The following GPR160 variants were observed in gnomAD, a reference collection of about 807,000 sequenced individuals.
GPR160 encodes the protein probable G protein-coupled receptor 160.
GPR160 carries 2 observed loss-of-function variants against 2.6 expected under a neutral mutation model. That is an observed-to-expected ratio of 0.77 (90% CI 0.32 to 2.44). GPR160 has a LOEUF of 2.44. Ranked by LOEUF, GPR160 falls within the 30% of genes most tolerant of loss-of-function variation. The pLI is 0.11. For synonymous variants in GPR160, 130 were observed against 132.2 expected (o/e 0.98, Z 0.12); for missense variants, 351 against 383.6 (o/e 0.91, Z 0.71).
At chr3:170,041,944 C>A (rs1716470684) in intron 2 of GPR160, among the ~76,000 whole-genome samples, 1 of 152,138 alleles carries the variant, frequency 6.6e-6, no homozygotes, top group Non-Finnish European at 1.5e-5. Context: ...TTGCTAATAG[C>A]CATTTTAAGG....
chr3:170,055,490 C>T (rs1282959218), intron 2 of GPR160, among the ~76,000 whole-genome samples: 1 of 152,174 alleles, frequency 6.6e-6, no homozygotes, highest in Non-Finnish European at 1.5e-5. Flanking sequence ...AGTGGGGTCT[C>T]AGGGACTATT....
intron 2 of GPR160, among the ~76,000 whole-genome samples, chr3:170,064,670 C>T (rs766507000): frequency 2.0e-5 from 3 of 151,968 alleles, no homozygotes; most frequent in Non-Finnish European, 4.4e-5. Flanking sequence ...AGGCACATGC[C>T]ACCGCGCCTG....
chr3:170,040,024 G>T (rs557005702), intron 2 of GPR160, among the ~76,000 whole-genome samples: 1 of 152,014 alleles, frequency 6.6e-6, no homozygotes, highest in South Asian at 2.1e-4. Context: ...GGGCCTGTCG[G>T]AGGGTGGGGG....
intron 2 of GPR160, among the ~76,000 whole-genome samples, chr3:170,039,845 G>A (rs1462807237): frequency 6.6e-6 from 1 of 152,208 alleles, no homozygotes; most frequent in African/African-American, 2.4e-5. Flanking sequence ...TCCCTGTAGA[G>A]ACACAGACTG....
intron 3 of GPR160, among the ~76,000 whole-genome samples, chr3:170,081,359 T>C (rs1278109210): frequency 1.3e-5 from 2 of 152,214 alleles, no homozygotes; most frequent in African/African-American, 2.4e-5. Flanking sequence ...TAAACTGTAC[T>C]ATGTTTAAAT....
At chr3:170,060,607 T>G (rs1229252247) in intron 2 of GPR160, among the ~76,000 whole-genome samples, 1 of 151,678 alleles carries the variant, frequency 6.6e-6, no homozygotes, top group African/African-American at 2.4e-5. Flanking sequence ...CAAAACAGTA[T>G]TTTAAAAAAA....
chr3:170,042,063 T>C (rs1427817325), intron 2 of GPR160, among the ~76,000 whole-genome samples: 1 of 151,832 alleles, frequency 6.6e-6, no homozygotes, highest in Non-Finnish European at 1.5e-5. Context: ...TAGGAAAGAG[T>C]GTTGGCAATC....
At chr3:170,067,756 A>T (rs986387890) in intron 2 of GPR160, among the ~76,000 whole-genome samples, 1 of 149,602 alleles carries the variant, frequency 6.7e-6, no homozygotes, top group African/African-American at 2.5e-5. Context: ...TCTTACCTTT[A>T]AAAAAAAAAG....
At chr3:170,047,520 TTA>T (rs1428123490) in intron 2 of GPR160, among the ~76,000 whole-genome samples, 2 of 152,214 alleles carry the variant, frequency 1.3e-5, no homozygotes, top group African/African-American at 4.8e-5. Flanking sequence ...ACAATTCATT[TTA>T]TGTTAGAATT....
At chr3:170,044,191 G>T (rs891947451) in intron 2 of GPR160, among the ~76,000 whole-genome samples, 3 of 151,926 alleles carry the variant, frequency 2.0e-5, no homozygotes. Context: ...TGGCGTGGTG[G>T]TGTATGCCTG....
At chr3:170,075,741 A>T (rs908417619) in intron 2 of GPR160, among the ~76,000 whole-genome samples, 3 of 152,280 alleles carry the variant, frequency 2.0e-5, no homozygotes, top group Non-Finnish European at 4.4e-5. Context: ...GGGCAGAAGC[A>T]GAGATGAAGC....
chr3:170,083,587 GT>G, intron 3 of GPR160: 1 of 155,070 alleles, frequency 6.4e-6, no homozygotes, highest in Non-Finnish European at 1.4e-5. Flanking sequence ...TTAGGCATGA[GT>G]TTTGGCCCTG....
chr3:170,055,291 C>T (rs547530554), intron 2 of GPR160, among the ~76,000 whole-genome samples: 12 of 152,118 alleles, frequency 7.9e-5, no homozygotes, highest in Non-Finnish European at 1.8e-4. Context: ...CTGATTGGGT[C>T]CTGACATCAC....
At chr3:170,080,333 C>G (rs941597069) in intron 3 of GPR160, among the ~76,000 whole-genome samples, 1 of 152,198 alleles carries the variant, frequency 6.6e-6, no homozygotes, top group Non-Finnish European at 1.5e-5. Context: ...TTTCCATGAT[C>G]GTGGTATTCA....
At chr3:170,070,501 T>C (rs1251657429) in intron 2 of GPR160, among the ~76,000 whole-genome samples, 1 of 152,186 alleles carries the variant, frequency 6.6e-6, no homozygotes, top group East Asian at 1.9e-4. Context: ...ATTGGGCAGT[T>C]TCCAAATTTT....
At position 170,039,042 on chromosome 3, in the gene GPR160, C is replaced by T. The variant is rs1716330332; in HGVS notation, c.-194C>T. 1 of 151,952 alleles carries T rather than the reference C, an allele frequency of 6.6e-6. No homozygotes were observed. The highest frequency in any genetic ancestry group is 6.6e-5 in the Admixed American group (1 of 15,260). The allele number at this position is 151,952 out of a possible 1,614,324, so 9.4% of individuals were successfully genotyped here. Reference sequence around the variant, plus strand: ...CGTCCTACACTTGCGCAAATGTCTCCGGTAAGGGGAAGTGTCGCTTAAATC... The same window carrying T: ...CGTCCTACACTTGCGCAAATGTCTCTGGTAAGGGGAAGTGTCGCTTAAATC... On this transcript the variant is annotated splice_region_variant and 5_prime_UTR_variant, in exon 2 of 4. Coordinates refer to ENST00000355897, the MANE Select transcript of GPR160 (RefSeq NM_014373.3).
intron 2 of GPR160, among the ~76,000 whole-genome samples, chr3:170,044,871 G>T (rs1461850232): frequency 6.6e-6 from 1 of 152,180 alleles, no homozygotes; most frequent in Admixed American, 6.5e-5. Context: ...AGAAAGCTCT[G>T]CAGGGATGAG....
chr3:170,078,567 G>A (rs1325972968), intron 2 of GPR160, among the ~76,000 whole-genome samples: 1 of 152,174 alleles, frequency 6.6e-6, no homozygotes, highest in East Asian at 1.9e-4. Flanking sequence ...AGAAAATGGA[G>A]CCGCTAGCCC....
intron 2 of GPR160, among the ~76,000 whole-genome samples, chr3:170,045,790 C>A (rs1254502723): frequency 6.6e-6 from 1 of 152,090 alleles, no homozygotes; most frequent in Non-Finnish European, 1.5e-5. Flanking sequence ...TTAGCCAGAG[C>A]AAACAGGGAG....
Sources: gnomAD v4.1 joint callset for allele counts (sites outside exome capture counted in the v4.1 genomes callset) on GRCh38, gnomAD v4.1.1 for gene constraint, MANE v1.5 for transcripts, NCBI Gene and HGNC (gene_info 2026-07-23, HGNC 2026-07-21) for gene names.